Variants in NRG3 observed in about 807,000 individuals in gnomAD.
The protein encoded by NRG3 is pro-neuregulin-3, membrane-bound isoform.
A neutral mutation model predicts 66.9 loss-of-function variants in NRG3; 31 were observed. The ratio of observed to expected loss-of-function variants is 0.46; its 90% CI spans 0.35 to 0.63. The LOEUF (loss-of-function observed/expected upper bound fraction) is 0.63. Ranked by LOEUF, NRG3 falls within the 20% of genes least tolerant of loss-of-function variation. The pLI is 0.00. For synonymous variants in NRG3, 393 were observed against 359.4 expected, an observed-to-expected ratio of 1.09 and a Z score of -1.06; for missense variants, 910 against 878.9, an observed-to-expected ratio of 1.04 and a Z score of -0.45.
At chr10:82,459,173 A>C (rs1300530021) in intron 2 of NRG3, among the ~76,000 whole-genome samples, 2 of 152,144 alleles carry the variant, frequency 1.3e-5, no homozygotes, top group Non-Finnish European at 1.5e-5. Flanking sequence ...TATTACCTGC[A>C]TACTACCGTG....
intron 1 of NRG3, among the ~76,000 whole-genome samples, chr10:82,086,780 A>G (rs2065754185): frequency 4.6e-5 from 7 of 152,150 alleles, no homozygotes; most frequent in Admixed American, 4.6e-4. Flanking sequence ...TAGCACGCCC[A>G]TCACCAACAC....
rs183447943 is a variant in NRG3 at position 82,579,651 on chromosome 10, C to T, written c.954-158926C>T. Among the ~76,000 whole-genome samples, 51 of 152,044 alleles carry T rather than the reference C, an allele frequency of 3.4e-4. 1 individual carries two copies. Among genetic ancestry groups the T allele is most frequent in the Middle Eastern group, 6.8e-3 (2 of 294 alleles). ...AAAATTTGTAGCATCTTGCTTGATACTCACAGGTTAACTTCTTGCTTCAAC... is the reference window on the plus strand; with the variant it reads ...AAAATTTGTAGCATCTTGCTTGATATTCACAGGTTAACTTCTTGCTTCAAC... On this transcript the variant is annotated intron_variant, in intron 2 of 8. Transcript: ENST00000372141.
rs576287691 is a variant in NRG3 at position 82,607,831 on chromosome 10, TA to T, written c.954-130745del. 3.7e-3 allele frequency among the ~76,000 whole-genome samples: 567 copies of T among 152,202 alleles called. 1 individual carries two copies. Among genetic ancestry groups the T allele is most frequent in the African/African-American group, 0.013 (527 of 41,556 alleles). On this transcript the variant is annotated intron_variant, in intron 2 of 8. Coordinates refer to ENST00000372141, the MANE Select transcript of NRG3 (RefSeq NM_001010848.4). ...AGTCCTATTTAATATAAAACAATAA[TA>T]TTTTTTTGTATTGCAAGTACTTTAT...
At chr10:82,253,296 A>G (rs1446902084) in intron 1 of NRG3, among the ~76,000 whole-genome samples, 2 of 152,090 alleles carry the variant, frequency 1.3e-5, no homozygotes, top group African/African-American at 4.8e-5. Context: ...GGATGCCATG[A>G]TTCCAGCATT....
chr10:82,402,853 A>G (rs2087211819), intron 2 of NRG3, among the ~76,000 whole-genome samples: 1 of 152,128 alleles, frequency 6.6e-6, no homozygotes, highest in Non-Finnish European at 1.5e-5. Flanking sequence ...TTTGGTCCCA[A>G]GTTATTTTCT....
chr10:82,516,362 C>T (rs564501511), intron 2 of NRG3, among the ~76,000 whole-genome samples: 1 of 152,214 alleles, frequency 6.6e-6, no homozygotes, highest in Admixed American at 6.5e-5. Flanking sequence ...GGTTTTGTAT[C>T]TTTACTTTCT....
intron 1 of NRG3, among the ~76,000 whole-genome samples, chr10:82,170,555 T>C (rs1044742543): frequency 1.3e-5 from 2 of 150,786 alleles, no homozygotes; most frequent in Non-Finnish European, 3.0e-5. Context: ...TTATTAGTTG[T>C]TTGACCTTGG....
intron 2 of NRG3, among the ~76,000 whole-genome samples, chr10:82,696,553 T>C (rs2055399523): frequency 6.6e-6 from 1 of 152,174 alleles, no homozygotes; most frequent in Admixed American, 6.6e-5. Flanking sequence ...TAGCCATACT[T>C]AGACCAGCAA....
At chr10:81,902,671 T>C (rs1429041507) in intron 1 of NRG3, among the ~76,000 whole-genome samples, 2 of 152,118 alleles carry the variant, frequency 1.3e-5, no homozygotes, top group Admixed American at 6.5e-5. Context: ...ATATTTGTTA[T>C]AGCATCCTGC....
intron 2 of NRG3, among the ~76,000 whole-genome samples, chr10:82,618,713 A>C (rs1004612537): frequency 2.6e-5 from 4 of 152,082 alleles, no homozygotes; most frequent in African/African-American, 9.7e-5. Context: ...TGTTAAATAA[A>C]CTATATTTAT....
In NRG3 at chr10:82,986,108, TG is replaced by T. The variant is rs1057460319; in HGVS notation, c.*505del. 2.0e-5 allele frequency: 3 copies of T among 153,610 alleles called. No individual in the cohort carries two copies. Among genetic ancestry groups the T allele is most frequent in the African/African-American group, 7.2e-5 (3 of 41,464 alleles). 9.5% of individuals were successfully genotyped at this position (153,610 alleles called of 1,614,324 possible). The stretch of plus-strand genomic sequence containing the variant: ...CATGTAGTGTTTTCTATTTGATTTT[TG>T]GAGAATGCCACAAAAGACTCTGCAA... On this transcript the variant is annotated 3_prime_UTR_variant, in exon 9 of 9. Coordinates refer to ENST00000372141, the MANE Select transcript of NRG3 (RefSeq NM_001010848.4).
chr10:82,567,924 A>G (rs530099292), intron 2 of NRG3, among the ~76,000 whole-genome samples: 34 of 152,020 alleles, frequency 2.2e-4, no homozygotes, highest in African/African-American at 7.7e-4. Flanking sequence ...ATACACCTAA[A>G]GCTGAAGACA....
At chr10:82,649,414 A>G (rs1399969819) in intron 2 of NRG3, among the ~76,000 whole-genome samples, 1 of 151,252 alleles carries the variant, frequency 6.6e-6, no homozygotes, top group Non-Finnish European at 1.5e-5. Context: ...TTTGACTGGA[A>G]CAAACAGTAA....
chr10:82,385,453 G>A (rs2085916604), intron 2 of NRG3, among the ~76,000 whole-genome samples: 1 of 152,156 alleles, frequency 6.6e-6, no homozygotes, highest in African/African-American at 2.4e-5. Context: ...CAAATATTGT[G>A]CCATTAATAT....
chr10:82,831,460 G>GT lies in NRG3; in HGVS notation c.1028-33943dup, dbSNP rs5786574. On this transcript the variant is annotated intron_variant, in intron 3 of 8. Transcript: ENST00000372141. ...TGTATATAGTATCTTATGGAACACA[G>GT]TTTTTTTTGTGTGTGTTTTTAAGCA... 3.9e-5 allele frequency among the ~76,000 whole-genome samples: 6 copies of GT among 151,946 alleles called. No individual in the cohort carries two copies. The East Asian group carries it at 5.8e-4, about 15-fold the overall frequency.
intron 2 of NRG3, among the ~76,000 whole-genome samples, chr10:82,360,850 T>C (rs915215992): frequency 2.0e-5 from 3 of 152,158 alleles, no homozygotes; most frequent in African/African-American, 7.2e-5. Flanking sequence ...TTGATTCCTT[T>C]TGAGGCCTCC....
At chr10:82,811,115 G>A (rs1042894519) in intron 3 of NRG3, among the ~76,000 whole-genome samples, 2 of 152,036 alleles carry the variant, frequency 1.3e-5, no homozygotes, top group Non-Finnish European at 2.9e-5. Flanking sequence ...AGCCATATCT[G>A]TCTCCCAAGC....
chr10:82,959,137 G>T (rs1344569130), intron 6 of NRG3, 62 bp downstream of exon 6: 9 of 1,476,192 alleles, frequency 6.1e-6, no homozygotes, highest in Admixed American at 2.5e-5. Flanking sequence ...GCTCAGAGGT[G>T]TTGGGAGCCT....
intron 1 of NRG3, among the ~76,000 whole-genome samples, chr10:82,085,848 A>G (rs2065690560): frequency 6.6e-6 from 1 of 152,000 alleles, no homozygotes; most frequent in Non-Finnish European, 1.5e-5. Context: ...CATGTTGGCC[A>G]GGCTAGTCTC....
Sources: gnomAD v4.1 joint callset for allele counts (sites outside exome capture counted in the v4.1 genomes callset) on GRCh38, gnomAD v4.1.1 for gene constraint, MANE v1.5 for transcripts, NCBI Gene and HGNC (gene_info 2026-07-23, HGNC 2026-07-21) for gene names.